OSBPL6: variants seen among roughly 807,000 people sequenced by gnomAD.
OSBPL6 encodes the protein oxysterol binding protein like 6, also known as oxysterol-binding protein-related protein 6.
OSBPL6 carries 49 observed loss-of-function variants against 125.8 expected under a neutral mutation model. That is an observed-to-expected ratio of 0.39 (90% confidence interval 0.31 to 0.49). The LOEUF is 0.49. Ranked by LOEUF, OSBPL6 falls within the 20% of genes least tolerant of loss-of-function variation. The pLI is 0.88. For missense variants in OSBPL6, 986 were observed against 1,135.4 expected (o/e 0.87, Z 1.89); for synonymous variants, 394 against 391.8 (o/e 1.01, Z -0.07).
chr2:178,333,692 G>A (rs1275009133), intron 8 of OSBPL6, among the ~76,000 whole-genome samples: 1 of 152,144 alleles, frequency 6.6e-6, no homozygotes, highest in South Asian at 2.1e-4. Context: ...CTTCCTGGAT[G>A]GTAATAAGAA....
At chr2:178,376,441 T>A (rs1258967051) in intron 15 of OSBPL6, among the ~76,000 whole-genome samples, 2 of 152,100 alleles carry the variant, frequency 1.3e-5, no homozygotes, top group Admixed American at 1.3e-4. Context: ...GATTTGTACA[T>A]CTTCCTGCAG....
chr2:178,207,489 A>G (rs1281698468), intron 1 of OSBPL6, among the ~76,000 whole-genome samples: 3 of 152,220 alleles, frequency 2.0e-5, no homozygotes, highest in African/African-American at 4.8e-5. Context: ...TCTCTTAGCC[A>G]TATAAGGTAA....
intron 12 of OSBPL6, among the ~76,000 whole-genome samples, chr2:178,359,794 T>C (rs904545233): frequency 1.3e-5 from 2 of 152,178 alleles, no homozygotes; most frequent in Non-Finnish European, 2.9e-5. Flanking sequence ...CTAAGTGAAA[T>C]AAGCCAGACT....
rs905859802 is a variant in OSBPL6 at position 178,400,414 on chromosome 2, G to C, written c.*4855G>C. On this transcript the variant is annotated 3_prime_UTR_variant, in exon 25 of 25. Transcript: ENST00000190611. ...GGATTCTTGTGCCTCAGCCTCCCGA[G>C]TAGCTGGGTTTACAGGCGTGTGCCA... 1 of 151,868 alleles carries C rather than the reference G, an allele frequency of 6.6e-6. No homozygotes were observed. Among genetic ancestry groups the C allele is most frequent in the African/African-American group, 2.4e-5 (1 of 41,316 alleles). 9.4% of individuals were successfully genotyped at this position (151,868 alleles called of 1,614,324 possible). A position where few individuals can be genotyped will look rare whatever the true frequency, so the allele number is the denominator to read the frequency against.
At chr2:178,293,602 G>C (rs939846972) in intron 2 of OSBPL6, among the ~76,000 whole-genome samples, 4 of 151,980 alleles carry the variant, frequency 2.6e-5, no homozygotes, top group Non-Finnish European at 4.4e-5. Flanking sequence ...GGAAGATGGG[G>C]TATTTATCCC....
In OSBPL6 at chr2:178,207,665, G is replaced by A. The variant is rs187447051; in HGVS notation, c.-351+12991G>A. 2.0e-5 allele frequency among the ~76,000 whole-genome samples: 3 copies of A among 152,238 alleles called. No homozygotes were observed. The East Asian group carries it at 5.8e-4, about 29-fold the overall frequency. Reference sequence around the variant, plus strand: ...AACATCTGCATGCCATGAGTATGCAGGGGAAGTCACCTATGAGAACCTCTT... The same window carrying A: ...AACATCTGCATGCCATGAGTATGCAAGGGAAGTCACCTATGAGAACCTCTT... On this transcript the variant is annotated intron_variant, in intron 1 of 24. Coordinates refer to ENST00000190611, the MANE Select transcript of OSBPL6 (RefSeq NM_032523.4).
At chr2:178,343,771 C>T (rs1344938710) in intron 11 of OSBPL6, among the ~76,000 whole-genome samples, 2 of 151,926 alleles carry the variant, frequency 1.3e-5, no homozygotes, top group Non-Finnish European at 2.9e-5. Flanking sequence ...AGTAGGAAGT[C>T]GAAGAACCCT....
intron 3 of OSBPL6, among the ~76,000 whole-genome samples, chr2:178,307,645 T>C (rs979017752): frequency 2.0e-5 from 3 of 151,428 alleles, no homozygotes; most frequent in Admixed American, 2.0e-4. Context: ...AGATGCTTTC[T>C]AAGTTTGCAA....
intron 4 of OSBPL6, among the ~76,000 whole-genome samples, chr2:178,326,025 T>C (rs1449093324): frequency 6.6e-6 from 1 of 152,162 alleles, no homozygotes; most frequent in East Asian, 1.9e-4. Context: ...CAGAGGGCCA[T>C]ATCTAACCCA....
rs1559342423 is a variant in OSBPL6 at position 178,402,364 on chromosome 2, C to T, written c.*6805C>T. 1 of 152,158 alleles carries T rather than the reference C, an allele frequency of 6.6e-6. No individual in the cohort carries two copies. Among genetic ancestry groups the T allele is most frequent in the Non-Finnish European group, 1.5e-5 (1 of 68,056 alleles). 9.4% of individuals were successfully genotyped at this position (152,158 alleles called of 1,614,324 possible). On this transcript the variant is annotated 3_prime_UTR_variant, in exon 25 of 25. Transcript: ENST00000190611. ...ACTCTTCAAAGCCAAGAATCAGTACCCCCACCTCACCTTCCATTCTCTCTT... is the reference window on the plus strand; with the variant it reads ...ACTCTTCAAAGCCAAGAATCAGTACTCCCACCTCACCTTCCATTCTCTCTT...
Position 178,253,741 on chromosome 2 carries a change from A to G in OSBPL6, c.-350-31186A>G, listed in dbSNP as rs60413803. Among the ~76,000 whole-genome samples, 508 of 152,260 alleles carry G rather than the reference A, an allele frequency of 3.3e-3. 13 individuals are homozygous for G. The East Asian group carries it at 0.068, about 20-fold the overall frequency. ...TCATTGTAGTGGAGTTGGGAGTTTG[A>G]GTTGCCCAGTTTTGCAAATAAAATA... On this transcript the variant is annotated intron_variant, in intron 1 of 24. Coordinates refer to ENST00000190611, the MANE Select transcript of OSBPL6 (RefSeq NM_032523.4).
intron 3 of OSBPL6, among the ~76,000 whole-genome samples, chr2:178,315,558 C>G (rs1428173452): frequency 6.6e-6 from 1 of 152,172 alleles, no homozygotes; most frequent in Non-Finnish European, 1.5e-5. Flanking sequence ...TCACTGCTTT[C>G]CCTGGTGTGC....
At chr2:178,319,556 C>T (rs190457063) in intron 3 of OSBPL6, among the ~76,000 whole-genome samples, 75 of 152,298 alleles carry the variant, frequency 4.9e-4, no homozygotes, top group Non-Finnish European at 2.9e-5. Flanking sequence ...CTCTCTTAAT[C>T]TCTATATCCC....
At chr2:178,256,700 T>A (rs994494553) in intron 1 of OSBPL6, among the ~76,000 whole-genome samples, 1 of 152,244 alleles carries the variant, frequency 6.6e-6, no homozygotes, top group African/African-American at 2.4e-5. Context: ...ACACATTTAT[T>A]TTTTGAAGAT....
chr2:178,261,575 C>T (rs2092065525), intron 1 of OSBPL6, among the ~76,000 whole-genome samples: 1 of 152,130 alleles, frequency 6.6e-6, no homozygotes. Flanking sequence ...GTTTTTCTGT[C>T]TACTCCTTTT....
chr2:178,318,408 C>G (rs1687954144), intron 3 of OSBPL6, among the ~76,000 whole-genome samples: 1 of 152,126 alleles, frequency 6.6e-6, no homozygotes, highest in Non-Finnish European at 1.5e-5. Flanking sequence ...TTTAAGGGTG[C>G]TTATATAGAG....
chr2:178,280,205 T>TA lies in OSBPL6; in HGVS notation c.-350-4714dup, dbSNP rs1255962129. On this transcript the variant is annotated intron_variant, in intron 1 of 24. Transcript: ENST00000190611. Reference sequence around the variant, plus strand: ...GAGTGAGATCTGTCTCAAAAAAATTTAAAAAAAATAAAATTAAATAAAATG... The same window carrying TA: ...GAGTGAGATCTGTCTCAAAAAAATTTAAAAAAAAATAAAATTAAATAAAATG... 3.3e-5 allele frequency among the ~76,000 whole-genome samples: 5 copies of TA among 151,694 alleles called. No homozygotes were observed. In the East Asian group the frequency reaches 5.8e-4, roughly 18 times the overall value.
chr2:178,376,549 C>T (rs1305942128), intron 15 of OSBPL6, among the ~76,000 whole-genome samples: 1 of 152,128 alleles, frequency 6.6e-6, no homozygotes, highest in Non-Finnish European at 1.5e-5. Context: ...TGCTGCCTCC[C>T]ATCCATTTTC....
chr2:178,340,206 C>T (rs1258089534), intron 11 of OSBPL6, among the ~76,000 whole-genome samples: 1 of 151,992 alleles, frequency 6.6e-6, no homozygotes, highest in Non-Finnish European at 1.5e-5. Context: ...TAGAAATCAG[C>T]AAACCCAGAT....
Sources: allele counts gnomAD v4.1 joint callset (sites outside exome capture counted in the v4.1 genomes callset), GRCh38; gene constraint gnomAD v4.1.1; transcripts MANE v1.5; gene names NCBI Gene and HGNC (gene_info 2026-07-23, HGNC 2026-07-21).